RNGTT: variants seen among roughly 807,000 people sequenced by gnomAD.
RNGTT encodes the protein RNA guanylyltransferase and 5'-phosphatase, also known as mRNA-capping enzyme.
A neutral mutation model predicts 79.3 loss-of-function variants in RNGTT; 33 were observed. The observed-to-expected ratio is 0.42, with a 90% CI of 0.32 to 0.56. The LOEUF is 0.56. Among genes scored for constraint, RNGTT ranks in the 20% least tolerant of loss-of-function variants. The pLI, the probability that RNGTT is intolerant of heterozygous loss-of-function variation, is 0.17. For missense variants in RNGTT, 497 were observed against 739.1 expected (o/e 0.67, Z 3.80); for synonymous variants, 222 against 235.9 (o/e 0.94, Z 0.54).
At chr6:88,829,721 A>AAAAAAAAAAAAAAAAAAAAC (rs1554221603) in intron 11 of RNGTT, among the ~76,000 whole-genome samples, 1 of 115,584 alleles carries the variant, frequency 8.7e-6, no homozygotes, top group African/African-American at 3.1e-5. Flanking sequence ...AAAAAAAAAA[A>AAAAAAAAAAAAAAAAAAAAC]AAACCAGGGG....
intron 14 of RNGTT, among the ~76,000 whole-genome samples, chr6:88,671,424 C>T (rs751628911): frequency 6.6e-6 from 1 of 152,130 alleles, no homozygotes; most frequent in Non-Finnish European, 1.5e-5. Context: ...ACAAGGAAAA[C>T]TACAAAACAT....
chr6:88,712,987 A>T (rs1199495809), intron 13 of RNGTT, among the ~76,000 whole-genome samples: 1 of 152,212 alleles, frequency 6.6e-6, no homozygotes, highest in Non-Finnish European at 1.5e-5. Flanking sequence ...TCTAGAATTC[A>T]GGCCCTTAAT....
At chr6:88,827,450 C>G (rs1456716474) in intron 11 of RNGTT, among the ~76,000 whole-genome samples, 2 of 152,160 alleles carry the variant, frequency 1.3e-5, no homozygotes. Context: ...GTTTCAAGCA[C>G]AAAACTAGGT....
intron 14 of RNGTT, 126 bp downstream of exon 14, chr6:88,678,227 C>T (rs773968051): frequency 3.7e-6 from 5 of 1,369,176 alleles, no homozygotes; most frequent in East Asian, 2.9e-5. Flanking sequence ...AAGTGATCCA[C>T]CTGTCTTAGC....
chr6:88,796,057 G>A (rs917294840), intron 12 of RNGTT, among the ~76,000 whole-genome samples: 1 of 152,158 alleles, frequency 6.6e-6, no homozygotes, highest in South Asian at 2.1e-4. Flanking sequence ...CTGAGCACTT[G>A]AACAGTGGCA....
intron 1 of RNGTT, among the ~76,000 whole-genome samples, 183 bp downstream of exon 1, chr6:88,963,163 A>T (rs565265336): frequency 3.9e-4 from 59 of 151,384 alleles, no homozygotes; most frequent in African/African-American, 1.3e-3. Context: ...AGTGCCCCCC[A>T]TCCGCCGACC....
intron 13 of RNGTT, among the ~76,000 whole-genome samples, chr6:88,734,752 G>T (rs751243801): frequency 3.3e-5 from 5 of 152,116 alleles, no homozygotes; most frequent in Non-Finnish European, 5.9e-5. Context: ...TCAGCAGAAA[G>T]TATACTTTGA....
At position 88,904,905 on chromosome 6, in the gene RNGTT, T is replaced by C; in HGVS notation, c.494A>G (p.Tyr165Cys). 6.2e-7 allele frequency: 1 copy of C among 1,614,134 alleles called. No homozygotes were observed. The highest frequency in any genetic ancestry group is 8.5e-7 in the Non-Finnish European group (1 of 1,180,004). ...TFAQARPPGI[Y>C]KGDYLKELFR... is the part of the protein sequence containing the mutation. ...AAGTTCCTTCAAATAATCACCCTTG[T>C]AGATTCCTGGTGGTCTGGCTTGGGC... Residue 165 changes from tyrosine (Y) to cysteine (C), a missense_variant, in exon 6 of 16, where the codon TAC (tyrosine) becomes TGC (cysteine). Tyr to Cys is a radical substitution (Grantham distance 194, BLOSUM62 -2). Transcript: ENST00000369485.
At chr6:88,626,540 C>T (rs1402234797) in intron 14 of RNGTT, among the ~76,000 whole-genome samples, 1 of 152,018 alleles carries the variant, frequency 6.6e-6, no homozygotes, top group Non-Finnish European at 1.5e-5. Flanking sequence ...GGGCATAATA[C>T]ATTGGCTTGA....
chr6:88,736,850 T>C (rs1466103991), intron 13 of RNGTT, among the ~76,000 whole-genome samples: 1 of 152,190 alleles, frequency 6.6e-6, no homozygotes. Context: ...ACATGCATTA[T>C]CCTTCAAGAA....
intron 12 of RNGTT, among the ~76,000 whole-genome samples, chr6:88,792,546 G>A (rs1031689699): frequency 1.3e-5 from 2 of 152,152 alleles, no homozygotes; most frequent in Admixed American, 6.6e-5. Flanking sequence ...TTCTTTAGCA[G>A]AATATCATAT....
At chr6:88,913,948 A>T (rs76380751) in intron 4 of RNGTT, among the ~76,000 whole-genome samples, 3,334 of 152,238 alleles carry the variant, frequency 0.022, 122 homozygotes, top group African/African-American at 0.076. Flanking sequence ...TCAGAACACA[A>T]AATCTACATA....
rs9451071 is a variant in RNGTT at position 88,750,478 on chromosome 6, C to A, written c.1439+19296G>T. On this transcript the variant is annotated intron_variant, in intron 13 of 15. Transcript: ENST00000369485. ...GTCAGGTGAGGGAGGCAAAGATGGTCCACAGGTTTCTGGCTTATGAAACTG... is the reference window on the plus strand; with the variant it reads ...GTCAGGTGAGGGAGGCAAAGATGGTACACAGGTTTCTGGCTTATGAAACTG... Among the ~76,000 whole-genome samples the A allele has an allele frequency of 7.7e-3, 1,170 of 152,194 alleles. 8 individuals carry two copies. The highest frequency in any genetic ancestry group is 0.026 in the African/African-American group (1,085 of 41,506).
intron 13 of RNGTT, among the ~76,000 whole-genome samples, chr6:88,727,081 G>A (rs777804867): frequency 5.6e-4 from 85 of 152,162 alleles, no homozygotes; most frequent in Non-Finnish European, 3.2e-4. Context: ...TAAAGAAAGG[G>A]ATGTTTGCAA....
At chr6:88,760,296 AAC>A (rs1778169802) in intron 13 of RNGTT, among the ~76,000 whole-genome samples, 1 of 152,186 alleles carries the variant, frequency 6.6e-6, no homozygotes, top group Admixed American at 6.5e-5. Context: ...TAACAGAGGA[AAC>A]AAGAGTTACT....
intron 6 of RNGTT, among the ~76,000 whole-genome samples, chr6:88,900,146 A>C (rs550727208): frequency 5.2e-4 from 77 of 148,670 alleles, no homozygotes; most frequent in African/African-American, 1.7e-3. Context: ...AAAAAAAAAA[A>C]CTATAATTGA....
intron 13 of RNGTT, among the ~76,000 whole-genome samples, chr6:88,764,098 A>G (rs1309677467): frequency 6.6e-6 from 1 of 152,102 alleles, no homozygotes; most frequent in Non-Finnish European, 1.5e-5. Context: ...TGAACCCTAT[A>G]AGGCCTCCTC....
At chr6:88,752,798 C>G (rs369252882) in intron 13 of RNGTT, among the ~76,000 whole-genome samples, 1 of 152,024 alleles carries the variant, frequency 6.6e-6, no homozygotes, top group African/African-American at 2.4e-5. Flanking sequence ...GATGGACACC[C>G]CATTCTCCAT....
intron 11 of RNGTT, among the ~76,000 whole-genome samples, chr6:88,821,480 A>AT (rs1241931346): frequency 1.3e-5 from 2 of 152,112 alleles, no homozygotes; most frequent in Non-Finnish European, 2.9e-5. Flanking sequence ...ATACAAAAAG[A>AT]AGAACAAAGA....
Sources: gnomAD v4.1 joint callset for allele counts (sites outside exome capture counted in the v4.1 genomes callset) on GRCh38, gnomAD v4.1.1 for gene constraint, MANE v1.5 for transcripts, NCBI Gene and HGNC (gene_info 2026-07-23, HGNC 2026-07-21) for gene names.